Variants in SOD2 observed in about 807,000 individuals in gnomAD.
The protein encoded by SOD2 is superoxide dismutase [Mn], mitochondrial.
SOD2 carries 11 observed loss-of-function variants against 27.0 expected under a neutral mutation model. That is an observed-to-expected ratio of 0.41 (90% CI 0.26 to 0.67). The LOEUF is 0.67. SOD2 is among the 30% of genes least tolerant of loss of function. SOD2 has a pLI of 0.34. For synonymous variants in SOD2, 105 were observed against 103.0 expected, an observed-to-expected ratio of 1.02 and a Z score of -0.12; for missense variants, 250 against 274.5, an observed-to-expected ratio of 0.91 and a Z score of 0.63.
At chr6:159,692,485 T>C in intron 2 of SOD2, 176 bp downstream of exon 2, 7 of 1,444,212 alleles carry the variant, frequency 4.8e-6, no homozygotes, top group Non-Finnish European at 5.5e-6. Context: ...GAGGCACTCC[T>C]TCTACAATGA....
intron 1 of SOD2, chr6:159,754,994 G>T: frequency 6.5e-7 from 1 of 1,549,192 alleles, no homozygotes; most frequent in South Asian, 1.2e-5. Context: ...TGTTATAAAC[G>T]ATATTAAAGT....
chr6:159,727,985 C>T (rs1312495981), upstream of SOD2, among the ~76,000 whole-genome samples: 1 of 152,234 alleles, frequency 6.6e-6, no homozygotes, highest in Non-Finnish European at 1.5e-5. Context: ...CGGAGGATGC[C>T]CTCCCCGGGC....
Position 159,671,617 on chromosome 6 carries a change from G to A in SOD2, c.*10876C>T, listed in dbSNP as rs894627756. 9.9e-5 allele frequency: 15 copies of A among 152,132 alleles called. No homozygotes were observed. Among genetic ancestry groups the A allele is most frequent in the Non-Finnish European group, 1.2e-4 (8 of 68,032 alleles). 9.4% of individuals were successfully genotyped at this position (152,132 alleles called of 1,614,324 possible). On this transcript the variant is annotated 3_prime_UTR_variant, in exon 5 of 5. Coordinates refer to ENST00000538183, the MANE Select transcript of SOD2 (RefSeq NM_000636.4). Reference sequence around the variant, plus strand: ...ACATCACCATCACCAAAGACCAAAGGTAGATAAAACCACAAAGATGGGGAA... The same window carrying A: ...ACATCACCATCACCAAAGACCAAAGATAGATAAAACCACAAAGATGGGGAA...
Position 159,684,242 on chromosome 6 carries a change from T to C in SOD2, c.523+612A>G, listed in dbSNP as rs5746132. 5.9e-5 allele frequency among the ~76,000 whole-genome samples: 9 copies of C among 152,318 alleles called. No individual in the cohort carries two copies. The South Asian group carries it at 1.9e-3, about 32-fold the overall frequency. ...GTATTTCTTTTCCTCACTCTTGTTC[T>C]ATAGCTAATTTTTTTTTTATTTTAG... On this transcript the variant is annotated intron_variant, in intron 4 of 4. Transcript: ENST00000538183.
chr6:159,748,526 T>C, upstream of SOD2: 2 of 1,400,942 alleles, frequency 1.4e-6, no homozygotes, highest in South Asian at 1.8e-5. This position sits in a 1 kb window ranked among gnomAD's most constrained non-coding sequence, Gnocchi z 5.6. Context: ...TAATGGTTAA[T>C]GTAAAACTTA....
At chr6:159,696,160 G>A (rs1012138590), upstream of SOD2, among the ~76,000 whole-genome samples, 3 of 152,130 alleles carry the variant, frequency 2.0e-5, no homozygotes, top group African/African-American at 4.8e-5. Context: ...AGTCAGTCCT[G>A]GGTTGGGATG....
upstream of SOD2, chr6:159,727,422 G>C (rs1562447027): frequency 3.4e-6 from 4 of 1,170,520 alleles, no homozygotes; most frequent in Non-Finnish European, 4.3e-6. Context: ...GCTGGCCTGC[G>C]GCGCGTTCGG....
intron 1 of SOD2, among the ~76,000 whole-genome samples, chr6:159,709,394 T>G (rs1777687535): frequency 6.6e-6 from 1 of 152,022 alleles, no homozygotes; most frequent in African/African-American, 2.4e-5. Flanking sequence ...ATCCAGAATC[T>G]ACAAAGAACT....
chr6:159,690,239 A>T (rs1199202848), intron 2 of SOD2, among the ~76,000 whole-genome samples: 1 of 148,924 alleles, frequency 6.7e-6, no homozygotes, highest in Non-Finnish European at 1.5e-5. Context: ...GTGAGCCGAG[A>T]TCACATCACT....
intron 1 of SOD2, chr6:159,742,147 GTAAGTT>G (rs763319471): frequency 6.2e-6 from 10 of 1,601,264 alleles, no homozygotes; most frequent in Non-Finnish European, 8.5e-6. Context: ...GATCTTAACT[GTAAGTT>G]TGAGTTTTAG....
intron 1 of SOD2, among the ~76,000 whole-genome samples, chr6:159,702,341 G>A (rs9295108): frequency 0.27 from 40,071 of 150,252 alleles, 5,392 homozygotes; most frequent in East Asian, 0.4. Flanking sequence ...CTATCACCCA[G>A]GCTGGAGTGC....
At chr6:159,748,534 T>C, upstream of SOD2, 2 of 1,383,724 alleles carry the variant, frequency 1.4e-6, no homozygotes, top group Non-Finnish European at 1.9e-6. The surrounding 1 kb of genome is among the most constrained non-coding windows in gnomAD (Gnocchi z 5.6). Flanking sequence ...AATGTAAAAC[T>C]TACCAGATGA....
chr6:159,702,087 G>A (rs1307517141), intron 1 of SOD2, among the ~76,000 whole-genome samples: 1 of 152,178 alleles, frequency 6.6e-6, no homozygotes, highest in Non-Finnish European at 1.5e-5. Context: ...CCCCAAATAA[G>A]GGACCTTACT....
At chr6:159,713,928 A>T in intron 1 of SOD2, 1 of 899,156 alleles carries the variant, frequency 1.1e-6, no homozygotes, top group Non-Finnish European at 1.8e-6. Flanking sequence ...GCTGAGCAGG[A>T]CCAGGATAGG....
chr6:159,706,326 T>C (rs889109451), intron 1 of SOD2, among the ~76,000 whole-genome samples: 8 of 152,186 alleles, frequency 5.3e-5, no homozygotes, highest in Non-Finnish European at 8.8e-5. Context: ...GACTGGCAAA[T>C]TGGATAAAGA....
Position 159,720,027 on chromosome 6 carries a change from CTTTT to C in SOD2, c.-116+7098_-116+7101del, listed in dbSNP as rs753147000. On this transcript the variant is annotated intron_variant, in intron 1 of 2. Coordinates refer to the SOD2 transcript ENST00000401980. ...GCATGAGACACCATGCCCAGCCTTG[CTTTT>C]TTTTTTTTTTGGTGGGGGGGACAGA... Among the ~76,000 whole-genome samples, 11 of 131,730 alleles carry C rather than the reference CTTTT, an allele frequency of 8.4e-5. No individual in the cohort carries two copies. In the South Asian group the frequency reaches 2.0e-3, roughly 24 times the overall value. 86.4% of individuals were successfully genotyped at this position (131,730 alleles called of 152,430 possible).
At chr6:159,728,111 G>C, upstream of SOD2, among the ~76,000 whole-genome samples, 1 of 152,222 alleles carries the variant, frequency 6.6e-6, no homozygotes, top group Non-Finnish European at 1.5e-5. Flanking sequence ...AGAAACATTC[G>C]TTCCCTACAT....
At chr6:159,700,600 G>T (rs1777506825) in intron 1 of SOD2, among the ~76,000 whole-genome samples, 1 of 148,282 alleles carries the variant, frequency 6.7e-6, no homozygotes, top group East Asian at 2.0e-4. Context: ...CTTGCAGTAA[G>T]CCAAGATTGC....
upstream of SOD2, among the ~76,000 whole-genome samples, chr6:159,746,613 C>T (rs537730051): frequency 1.3e-5 from 2 of 152,262 alleles, no homozygotes; most frequent in South Asian, 4.1e-4. Context: ...GAGCGTAAGG[C>T]ATAAATTAGC....
Sources: allele counts gnomAD v4.1 joint callset (sites outside exome capture counted in the v4.1 genomes callset), GRCh38; gene constraint gnomAD v4.1.1; non-coding constraint Gnocchi (gnomAD v3.1); transcripts MANE v1.5; gene names NCBI Gene and HGNC (gene_info 2026-07-23, HGNC 2026-07-21).